BPIFC: variants seen among roughly 807,000 people sequenced by gnomAD.
BPIFC encodes the protein BPI fold-containing family C protein.
Under a neutral mutation model 57.6 loss-of-function variants are expected in BPIFC, and 60 were observed. That is an observed-to-expected ratio of 1.04 (90% CI 0.85 to 1.29). The LOEUF is 1.29. Ranked by LOEUF, BPIFC falls within the 50% of genes most tolerant of loss-of-function variation. BPIFC has a pLI of 0.00. For missense variants in BPIFC, 581 were observed against 600.5 expected (o/e 0.97, Z 0.34); for synonymous variants, 243 against 224.5 (o/e 1.08, Z -0.74).
In BPIFC at chr22:32,417,097, G is replaced by A; in HGVS notation, c.1312C>T (p.Pro438Ser). 1.2e-6 allele frequency: 2 copies of A among 1,604,062 alleles called. No homozygotes were observed. Among genetic ancestry groups the A allele is most frequent in the Non-Finnish European group, 8.5e-7 (1 of 1,170,952 alleles). ...LSSILHFGVLPLANAKLQQGF... is the reference protein window; with the variant it reads ...LSSILHFGVLSLANAKLQQGF... Reference sequence around the variant, plus strand: ...AATAATCCCTTACCATTGGCCAGTGGGAGGACTCCAAAGTGAAGAATGGAC... The same window carrying A: ...AATAATCCCTTACCATTGGCCAGTGAGAGGACTCCAAAGTGAAGAATGGAC... The change falls in exon 15 of 17, where the codon CCA becomes TCA. Residue 438 changes from proline (P) to serine (S), a missense_variant. By Grantham distance (74) the Pro-to-Ser change is moderately conservative (BLOSUM62 -1). Transcript: ENST00000300399.
chr22:32,426,201 C>T (rs9609546), intron 13 of BPIFC, among the ~76,000 whole-genome samples: 37,510 of 152,044 alleles, frequency 0.25, 4,946 homozygotes, highest in African/African-American at 0.32. Context: ...TTGGAGCCCC[C>T]GTGTTCCCTG....
At chr22:32,432,590 G>C in intron 11 of BPIFC, 47 bp from the exon 12 acceptor site, 1 of 1,584,590 alleles carries the variant, frequency 6.3e-7, no homozygotes, top group Non-Finnish European at 8.7e-7. Context: ...GCGTGAGTTG[G>C]TGAAGGGAGA....
At chr22:32,421,852 T>C (rs1158382210) in intron 13 of BPIFC, among the ~76,000 whole-genome samples, 1 of 152,212 alleles carries the variant, frequency 6.6e-6, no homozygotes, top group Non-Finnish European at 1.5e-5. Flanking sequence ...AGAAACAATT[T>C]CGTGGAGTCA....
At chr22:32,440,305 A>T (rs1934528157) in intron 8 of BPIFC, among the ~76,000 whole-genome samples, 1 of 71,846 alleles carries the variant, frequency 1.4e-5, no homozygotes, top group Non-Finnish European at 4.0e-5. Context: ...TGGCTAATTA[A>T]AAAAAAATTT....
chr22:32,437,059 G>T (rs1202416327), intron 9 of BPIFC, among the ~76,000 whole-genome samples: 1 of 152,196 alleles, frequency 6.6e-6, no homozygotes, highest in Non-Finnish European at 1.5e-5. Flanking sequence ...GCAGCCCTCA[G>T]TTAAATCCAC....
At chr22:32,419,721 G>C (rs1188901905) in intron 13 of BPIFC, among the ~76,000 whole-genome samples, 2 of 147,664 alleles carry the variant, frequency 1.4e-5, no homozygotes, top group African/African-American at 5.0e-5. Context: ...CAGGAGAATT[G>C]CTTGAACCTG....
intron 6 of BPIFC, 39 bp from the exon 7 acceptor site, chr22:32,445,737 AGG>A: frequency 2.8e-6 from 4 of 1,423,674 alleles, no homozygotes; most frequent in Admixed American, 2.3e-5. Context: ...AAAAAAAAAG[AGG>A]TTACTCAGAG....
chr22:32,442,587 A>T, intron 8 of BPIFC, 84 bp downstream of exon 8: 1 of 1,335,576 alleles, frequency 7.5e-7, no homozygotes, highest in South Asian at 1.2e-5. Flanking sequence ...CTCAAGCTAT[A>T]CCGCCTTGAA....
At chr22:32,419,242 C>A (rs1569446437) in intron 14 of BPIFC, 120 bp downstream of exon 14, 1 of 1,094,536 alleles carries the variant, frequency 9.1e-7, no homozygotes, top group Non-Finnish European at 1.3e-6. Context: ...AAGTTAAGTC[C>A]TACAATTATG....
chr22:32,458,404 A>C (rs62241183), intron 2 of BPIFC, among the ~76,000 whole-genome samples: 20,879 of 152,174 alleles, frequency 0.14, 1,791 homozygotes, highest in Non-Finnish European at 0.2. Context: ...TAGCCACTCA[A>C]TGCAGAACAT....
intron 2 of BPIFC, among the ~76,000 whole-genome samples, chr22:32,459,215 A>C (rs1421897264): frequency 6.6e-6 from 1 of 152,178 alleles, no homozygotes; most frequent in Non-Finnish European, 1.5e-5. Context: ...CAGGAAGGTG[A>C]CCTTGTGGAT....
chr22:32,455,022 T>A (rs1430492927), intron 3 of BPIFC, among the ~76,000 whole-genome samples: 1 of 151,296 alleles, frequency 6.6e-6, no homozygotes, highest in Non-Finnish European at 1.5e-5. Flanking sequence ...ATCCTATGGG[T>A]AGGTACTATA....
chr22:32,425,157 T>C (rs1443058334), intron 13 of BPIFC, among the ~76,000 whole-genome samples: 3 of 152,166 alleles, frequency 2.0e-5, no homozygotes, highest in African/African-American at 7.2e-5. Flanking sequence ...CTCACTGCTT[T>C]GAAAGCGGAC....
chr22:32,447,418 G>A, intron 4 of BPIFC, 78 bp from the exon 5 acceptor site: 2 of 1,523,556 alleles, frequency 1.3e-6, no homozygotes, highest in Non-Finnish European at 1.8e-6. Context: ...GAACACAGTT[G>A]CAGAGCTCTT....
rs187014044 is a variant in BPIFC at position 32,414,113 on chromosome 22, C to T, written c.*190G>A. On this transcript the variant is annotated 3_prime_UTR_variant, in exon 17 of 17. Transcript: ENST00000300399. ...CAGCATGCATACACTCACATTCAGA[C>T]ACCTCTATTTATCCCTTTAACAGAG... The T allele has an allele frequency of 1.6e-5, 9 of 547,100 alleles. No homozygotes were observed. In the Admixed American group the frequency reaches 2.6e-4, roughly 16 times the overall value. 33.9% of individuals were successfully genotyped at this position (547,100 alleles called of 1,614,324 possible). A position where few individuals can be genotyped will look rare whatever the true frequency, so the allele number is the denominator to read the frequency against.
intron 14 of BPIFC, among the ~76,000 whole-genome samples, chr22:32,418,859 G>C (rs1010025845): frequency 1.3e-5 from 2 of 151,798 alleles, no homozygotes; most frequent in African/African-American, 2.4e-5. Flanking sequence ...CACATGTTGG[G>C]GTATCATCTT....
intron 8 of BPIFC, among the ~76,000 whole-genome samples, chr22:32,438,122 T>C (rs937605792): frequency 1.3e-5 from 2 of 152,204 alleles, no homozygotes; most frequent in Non-Finnish European, 2.9e-5. Flanking sequence ...CTGCAGGGCA[T>C]ATGTTCCAAG....
intron 13 of BPIFC, among the ~76,000 whole-genome samples, chr22:32,427,487 T>C (rs566792079): frequency 6.6e-6 from 1 of 152,266 alleles, no homozygotes; most frequent in Non-Finnish European, 1.5e-5. Flanking sequence ...CCTGCCCCTG[T>C]GCCCCGCCCC....
intron 9 of BPIFC, among the ~76,000 whole-genome samples, chr22:32,436,349 G>A (rs1049130501): frequency 7.8e-5 from 6 of 76,580 alleles, no homozygotes; most frequent in Admixed American, 3.8e-4. Context: ...AAGAGGAAGA[G>A]GAGGAGGAGG....
Sources: allele counts gnomAD v4.1 joint callset (sites outside exome capture counted in the v4.1 genomes callset), GRCh38; gene constraint gnomAD v4.1.1; transcripts MANE v1.5; gene names NCBI Gene and HGNC (gene_info 2026-07-23, HGNC 2026-07-21).